DUSP13B: variants seen among roughly 807,000 people sequenced by gnomAD.
DUSP13B encodes the protein dual specificity protein phosphatase 13B.
chr10:75,108,269 G>T, the DUSP13B span: 1 of 1,532,818 alleles, frequency 6.5e-7, no homozygotes. Flanking sequence ...GAGGGAGGCT[G>T]TGCCTGGCCC....
chr10:75,097,591 A>G, the DUSP13B span: 2 of 884,502 alleles, frequency 2.3e-6, no homozygotes, highest in South Asian at 5.6e-5. Flanking sequence ...AGGGAAAGAG[A>G]CGGTGGGAGG....
the DUSP13B span, among the ~76,000 whole-genome samples, chr10:75,100,943 A>C: frequency 3.3e-5 from 5 of 152,126 alleles, no homozygotes; most frequent in African/African-American, 1.2e-4. Context: ...GCTGTTTGCC[A>C]TCCACCTCTC....
At chr10:75,099,984 C>T in the DUSP13B span, among the ~76,000 whole-genome samples, 1 of 152,106 alleles carries the variant, frequency 6.6e-6, no homozygotes, top group Non-Finnish European at 1.5e-5. Context: ...CCCCAGGACC[C>T]AGAGGAGTCC....
chr10:75,094,551 G>T, the DUSP13B span: 2 of 1,070,928 alleles, frequency 1.9e-6, no homozygotes, highest in Non-Finnish European at 2.6e-6. Flanking sequence ...AGCTATCCCT[G>T]CCTCTGCCTC....
the DUSP13B span, chr10:75,103,774 C>G: frequency 8.7e-6 from 7 of 801,074 alleles, no homozygotes; most frequent in Admixed American, 2.1e-4. Flanking sequence ...CTGTGGCCAA[C>G]AGCTATCACA....
chr10:75,095,065 G>A, the DUSP13B span, among the ~76,000 whole-genome samples: 2 of 152,330 alleles, frequency 1.3e-5, no homozygotes, highest in Admixed American at 1.3e-4. Flanking sequence ...GTTAGAGGCA[G>A]GGTTTAGGTT....
the DUSP13B span, chr10:75,099,050 A>C: frequency 1.6e-6 from 2 of 1,232,314 alleles, no homozygotes; most frequent in Non-Finnish European, 2.0e-6. Flanking sequence ...TCAGGCCAGC[A>C]CTGGATGTCA....
the DUSP13B span, among the ~76,000 whole-genome samples, chr10:75,095,202 C>A: frequency 1.3e-5 from 2 of 152,280 alleles, no homozygotes; most frequent in African/African-American, 4.8e-5. Context: ...TAGGGGGTGT[C>A]CATCTACCTC....
the DUSP13B span, chr10:75,099,249 C>T: frequency 8.1e-7 from 1 of 1,232,268 alleles, no homozygotes; most frequent in Non-Finnish European, 1.0e-6. Context: ...CTGGGAAGAA[C>T]ATCTTTTCCC....
chr10:75,097,772 C>T, the DUSP13B span: 77 of 1,613,634 alleles, frequency 4.8e-5, 1 homozygote, highest in Admixed American at 5.3e-4. Flanking sequence ...GGCAGCCTGA[C>T]GGACCCACAG....
the DUSP13B span, among the ~76,000 whole-genome samples, chr10:75,095,370 A>G: frequency 3.3e-5 from 5 of 152,148 alleles, no homozygotes; most frequent in African/African-American, 1.2e-4. Flanking sequence ...ACCACACTGC[A>G]TCTTAGTTAT....
the DUSP13B span, chr10:75,099,413 G>A: frequency 8.1e-7 from 1 of 1,232,610 alleles, no homozygotes; most frequent in Non-Finnish European, 1.0e-6. Flanking sequence ...AGGTGGCTGA[G>A]TGGCCTGCCA....
At chr10:75,100,060 G>C in the DUSP13B span, among the ~76,000 whole-genome samples, 50 of 152,220 alleles carry the variant, frequency 3.3e-4, no homozygotes, top group Middle Eastern at 6.8e-3. Flanking sequence ...ATGGGGCTTT[G>C]GGAAGTGGGA....
the DUSP13B span, chr10:75,095,657 C>T: frequency 1.2e-5 from 20 of 1,614,056 alleles, no homozygotes; most frequent in East Asian, 1.3e-4. Flanking sequence ...GGTTGTCGTC[C>T]GCCTCGATGC....
the DUSP13B span, chr10:75,097,925 C>T: frequency 3.6e-5 from 54 of 1,515,010 alleles, no homozygotes; most frequent in Non-Finnish European, 4.6e-5. Flanking sequence ...GAGGCAGGCT[C>T]CCAGAGGGTG....
At chr10:75,106,800 G>A in the DUSP13B span, among the ~76,000 whole-genome samples, 49 of 152,346 alleles carry the variant, frequency 3.2e-4, no homozygotes, top group African/African-American at 1.1e-3. Flanking sequence ...GTGAATGAAT[G>A]GATAAATAGC....
chr10:75,105,657 T>TGGGGGCCTCAG, the DUSP13B span: 1 of 1,547,890 alleles, frequency 6.5e-7, no homozygotes, highest in East Asian at 2.4e-5. Flanking sequence ...CCCTGAGGCC[T>TGGGGGCCTCAG]CACCTGGCCC....
At chr10:75,105,106 T>C in the DUSP13B span, among the ~76,000 whole-genome samples, 157 of 152,004 alleles carry the variant, frequency 1.0e-3, 2 homozygotes, top group East Asian at 0.023. Flanking sequence ...CCCTGCTGGG[T>C]GGGGAGCCAC....
At chr10:75,097,865 T>G in the DUSP13B span, 1 of 1,609,400 alleles carries the variant, frequency 6.2e-7, no homozygotes, top group Non-Finnish European at 8.5e-7. Context: ...CCGGAGGTCC[T>G]GCTTCTGCAG....
Sources: allele counts gnomAD v4.1 joint callset (sites outside exome capture counted in the v4.1 genomes callset), GRCh38; gene constraint gnomAD v4.1.1; transcripts MANE v1.5; gene names NCBI Gene and HGNC (gene_info 2026-07-23, HGNC 2026-07-21).